Variants in MICU2 observed in about 807,000 individuals in gnomAD.
MICU2 encodes the protein calcium uptake protein 2, mitochondrial.
Under a neutral mutation model 60.4 loss-of-function variants are expected in MICU2, and 64 were observed. The observed-to-expected ratio is 1.06, with a 90% CI of 0.87 to 1.31. The LOEUF (loss-of-function observed/expected upper bound fraction) is 1.31. Ranked by LOEUF, MICU2 falls within the 50% of genes most tolerant of loss-of-function variation. The pLI is 0.00. For missense variants in MICU2, 569 were observed against 531.0 expected (o/e 1.07, Z -0.70); for synonymous variants, 201 against 175.0 (o/e 1.15, Z -1.17).
chr13:21,503,891 T>C (rs1476767127), intron 8 of MICU2, among the ~76,000 whole-genome samples: 1 of 152,206 alleles, frequency 6.6e-6, no homozygotes, highest in African/African-American at 2.4e-5. Flanking sequence ...CTATCTGTCA[T>C]GTCAAATTCA....
chr13:21,504,562 G>C (rs1259027916), intron 8 of MICU2, among the ~76,000 whole-genome samples: 1 of 152,046 alleles, frequency 6.6e-6, no homozygotes, highest in African/African-American at 2.4e-5. Context: ...ATATTATCTT[G>C]TTATAACATG....
At chr13:21,522,726 T>C (rs1886749588) in intron 4 of MICU2, 76 bp from the exon 5 acceptor site, 1 of 1,123,688 alleles carries the variant, frequency 8.9e-7, no homozygotes, top group Non-Finnish European at 1.3e-6. Flanking sequence ...CATTGAAATT[T>C]CACCTAATTA....
chr13:21,507,605 G>T (rs1435613008), intron 8 of MICU2, among the ~76,000 whole-genome samples: 17 of 149,178 alleles, frequency 1.1e-4, no homozygotes, highest in Non-Finnish European at 4.5e-5. Context: ...CAGAAACTTA[G>T]ATTTTTTTTT....
chr13:21,546,032 A>G (rs1470382791), intron 2 of MICU2, among the ~76,000 whole-genome samples: 1 of 152,182 alleles, frequency 6.6e-6, no homozygotes, highest in Non-Finnish European at 1.5e-5. Context: ...GGGTCAGTTA[A>G]AAAAAATCAA....
chr13:21,537,255 T>G (rs1887152693), intron 4 of MICU2, among the ~76,000 whole-genome samples: 1 of 152,222 alleles, frequency 6.6e-6, no homozygotes, highest in Admixed American at 6.5e-5. Flanking sequence ...TCCTCCATTC[T>G]TCTGCCTAGC....
In MICU2 at chr13:21,523,050, G is replaced by A. The variant is rs1290874558; in HGVS notation, c.467-400C>T. On this transcript the variant is annotated intron_variant, in intron 4 of 11. Coordinates refer to ENST00000382374, the MANE Select transcript of MICU2 (RefSeq NM_152726.3). ...CTCTGTTGAACAAAAAGCAGAGGAAGGAGAAATTCACCCTTTTTTTCTGCC... is the reference window on the plus strand; with the variant it reads ...CTCTGTTGAACAAAAAGCAGAGGAAAGAGAAATTCACCCTTTTTTTCTGCC... Among the ~76,000 whole-genome samples, 4 of 152,140 alleles carry A rather than the reference G, an allele frequency of 2.6e-5. No homozygotes were observed. The East Asian group carries it at 5.8e-4, about 22-fold the overall frequency.
At chr13:21,561,739 A>T in intron 2 of MICU2, among the ~76,000 whole-genome samples, 1 of 137,736 alleles carries the variant, frequency 7.3e-6, no homozygotes, top group Non-Finnish European at 1.6e-5. Context: ...TATACTTTTA[A>T]GTTTTAGGGT....
At chr13:21,603,035 C>G (rs1212768216) in intron 1 of MICU2, among the ~76,000 whole-genome samples, 3 of 148,332 alleles carry the variant, frequency 2.0e-5, no homozygotes, top group African/African-American at 7.5e-5. Context: ...ATGGCTCGAT[C>G]TTGGCTCACT....
chr13:21,497,887 T>C (rs1436909433), intron 9 of MICU2, among the ~76,000 whole-genome samples: 1 of 152,188 alleles, frequency 6.6e-6, no homozygotes, highest in Non-Finnish European at 1.5e-5. Flanking sequence ...TAGCTGGGAC[T>C]ACAGACACAG....
intron 7 of MICU2, among the ~76,000 whole-genome samples, chr13:21,510,856 CTTAGGAGGAATTCA>C (rs376858689): frequency 0.028 from 4,207 of 151,782 alleles, 99 homozygotes; most frequent in African/African-American, 0.066. Flanking sequence ...TAATGAATTC[CTTAGGAGGAATTCA>C]TTAAAATCTT....
At chr13:21,542,394 A>C (rs114109104) in intron 2 of MICU2, among the ~76,000 whole-genome samples, 3 of 152,158 alleles carry the variant, frequency 2.0e-5, no homozygotes, top group African/African-American at 7.2e-5. Flanking sequence ...CAAATAATCT[A>C]ATTTTTCCTT....
intron 1 of MICU2, among the ~76,000 whole-genome samples, chr13:21,589,630 C>CTCCACCCTGACTCATTTCAATCACCTGT (rs1888534084): frequency 6.6e-6 from 1 of 152,118 alleles, no homozygotes; most frequent in African/African-American, 2.4e-5. Flanking sequence ...CGATTACCTG[C>CTCCACCCTGACTCATTTCAATCACCTGT]TCCACCCTGA....
chr13:21,501,347 C>G (rs1272207471), intron 9 of MICU2, among the ~76,000 whole-genome samples: 2 of 151,970 alleles, frequency 1.3e-5, no homozygotes, highest in Non-Finnish European at 2.9e-5. Context: ...ACTGAAAGCT[C>G]TGCCTCCAGG....
At chr13:21,521,409 T>C (rs1409129578) in intron 5 of MICU2, 82 bp from the exon 6 acceptor site, 1 of 1,055,374 alleles carries the variant, frequency 9.5e-7, no homozygotes, top group Non-Finnish European at 1.4e-6. Flanking sequence ...AAATTTGACA[T>C]ACACTAGCAG....
chr13:21,570,702 C>T (rs1020397905), intron 1 of MICU2, among the ~76,000 whole-genome samples: 8 of 152,160 alleles, frequency 5.3e-5, no homozygotes, highest in African/African-American at 1.9e-4. Flanking sequence ...TGACATACGA[C>T]ATAGAATTTT....
intron 1 of MICU2, among the ~76,000 whole-genome samples, chr13:21,591,633 C>T (rs1888586650): frequency 6.6e-6 from 1 of 152,158 alleles, no homozygotes; most frequent in Non-Finnish European, 1.5e-5. Context: ...GGAAGTAAAA[C>T]ACTCCTCAGG....
At chr13:21,581,656 A>G (rs1888350989) in intron 1 of MICU2, among the ~76,000 whole-genome samples, 1 of 152,212 alleles carries the variant, frequency 6.6e-6, no homozygotes, top group Non-Finnish European at 1.5e-5. Context: ...ACGTTAGAAT[A>G]ATGTATATAG....
intron 9 of MICU2, among the ~76,000 whole-genome samples, chr13:21,500,248 AATAGTCT>A (rs1220595560): frequency 2.0e-5 from 3 of 152,160 alleles, no homozygotes; most frequent in Non-Finnish European, 4.4e-5. Context: ...TGTCTGACTC[AATAGTCT>A]TGTATCTTCT....
rs758039575 is a variant in MICU2, at chr13:21,556,625, G to A, written c.358+10172C>T. Among the ~76,000 whole-genome samples, 112 of 152,194 alleles carry A rather than the reference G, an allele frequency of 7.4e-4. 1 individual carries two copies. The highest frequency in any genetic ancestry group is 1.6e-3 in the Admixed American group (25 of 15,268). ...AAGTGATGGAACTAGAGAAGGGGGCGGAGGAATCAGCCTTAGCAGGGCAAG... is the reference window on the plus strand; with the variant it reads ...AAGTGATGGAACTAGAGAAGGGGGCAGAGGAATCAGCCTTAGCAGGGCAAG... On this transcript the variant is annotated intron_variant, in intron 2 of 11. Coordinates refer to ENST00000382374, the MANE Select transcript of MICU2 (RefSeq NM_152726.3).
Sources: gnomAD v4.1 joint callset for allele counts (sites outside exome capture counted in the v4.1 genomes callset) on GRCh38, gnomAD v4.1.1 for gene constraint, MANE v1.5 for transcripts, NCBI Gene and HGNC (gene_info 2026-07-23, HGNC 2026-07-21) for gene names.